The following MYLK4 variants were observed in gnomAD, a reference collection of about 807,000 sequenced individuals.
The protein encoded by MYLK4 is caMLCK like.
Under a neutral mutation model 48.1 loss-of-function variants are expected in MYLK4, and 46 were observed. The observed-to-expected ratio is 0.96, with a 90% CI of 0.75 to 1.22. MYLK4 has a LOEUF of 1.22. Ranked by LOEUF, MYLK4 falls within the 50% of genes most tolerant of loss-of-function variation. The pLI, the probability that MYLK4 is intolerant of heterozygous loss-of-function variation, is 0.00. For missense variants in MYLK4, 451 were observed against 486.1 expected (o/e 0.93, Z 0.68); for synonymous variants, 170 against 180.8 (o/e 0.94, Z 0.48).
chr6:2,759,735 A>C, the MYLK4 span, among the ~76,000 whole-genome samples: 11 of 152,230 alleles, frequency 7.2e-5, no homozygotes, highest in African/African-American at 2.4e-4. Flanking sequence ...TGATGTTTTT[A>C]CCATTCAACA....
At chr6:2,768,641 T>A in the MYLK4 span, 1 of 1,489,116 alleles carries the variant, frequency 6.7e-7, no homozygotes, top group Non-Finnish European at 9.0e-7. Context: ...GGTGCTGGTC[T>A]CTCTGTGTCT....
chr6:2,694,387 C>T lies in MYLK4; in HGVS notation c.160-1528G>A, dbSNP rs561353465. On this transcript the variant is annotated intron_variant, in intron 2 of 12. Transcript: ENST00000274643. The stretch of plus-strand genomic sequence containing the variant: ...TTTTTCCTGTCAATTTCCCACTAGA[C>T]TGTGGACTTCCAGTGGGCAAAAAGA... Among the ~76,000 whole-genome samples, 3 of 149,508 alleles carry T rather than the reference C, an allele frequency of 2.0e-5. No homozygotes were observed. The East Asian group carries it at 6.0e-4, about 30-fold the overall frequency.
At chr6:2,753,625 T>C (rs1764350253), upstream of MYLK4, among the ~76,000 whole-genome samples, 1 of 152,206 alleles carries the variant, frequency 6.6e-6, no homozygotes, top group African/African-American at 2.4e-5. Context: ...TAGAAAATAC[T>C]GTGAAGTCAC....
At chr6:2,766,192 C>G in the MYLK4 span, 1 of 1,397,952 alleles carries the variant, frequency 7.2e-7, no homozygotes, top group African/African-American at 1.5e-5. Flanking sequence ...GGCACTGGGA[C>G]GCGGACGCTG....
chr6:2,708,402 A>C (rs1222798431), intron 2 of MYLK4, among the ~76,000 whole-genome samples: 1 of 152,208 alleles, frequency 6.6e-6, no homozygotes, highest in Non-Finnish European at 1.5e-5. Context: ...GTTCATCTTC[A>C]CAGATTTGCC....
chr6:2,767,273 G>A, the MYLK4 span, among the ~76,000 whole-genome samples: 1 of 152,214 alleles, frequency 6.6e-6, no homozygotes, highest in Non-Finnish European at 1.5e-5. Flanking sequence ...GCTAAGAAGT[G>A]CTTAAATACA....
At chr6:2,762,022 C>CTGCCTCAGCCTTGCAGTA in the MYLK4 span, among the ~76,000 whole-genome samples, 2 of 152,138 alleles carry the variant, frequency 1.3e-5, no homozygotes, top group African/African-American at 4.8e-5. Context: ...AGTAATTCTC[C>CTGCCTCAGCCTTGCAGTA]TGCCTCAGCC....
the MYLK4 span, among the ~76,000 whole-genome samples, chr6:2,760,308 G>A: frequency 1.3e-5 from 2 of 152,172 alleles, no homozygotes; most frequent in Non-Finnish European, 2.9e-5. Context: ...TGAGGGGCAG[G>A]AGGGTCCCAG....
chr6:2,722,980 T>G (rs1407608209), intron 2 of MYLK4, among the ~76,000 whole-genome samples: 1 of 152,190 alleles, frequency 6.6e-6, no homozygotes, highest in African/African-American at 2.4e-5. Flanking sequence ...TCTCATATTT[T>G]TGCTTTTTTA....
chr6:2,751,831 G>C (rs1187915396), upstream of MYLK4, among the ~76,000 whole-genome samples: 1 of 152,124 alleles, frequency 6.6e-6, no homozygotes, highest in African/African-American at 2.4e-5. Flanking sequence ...ATGAATTACA[G>C]CAAAATCTTT....
chr6:2,704,049 C>A (rs2113224236), intron 2 of MYLK4, among the ~76,000 whole-genome samples: 1 of 152,300 alleles, frequency 6.6e-6, no homozygotes, highest in Admixed American at 6.5e-5. Context: ...ATTTATCACA[C>A]TGTGTTGAAT....
At chr6:2,735,888 T>C (rs1390579142) in intron 2 of MYLK4, among the ~76,000 whole-genome samples, 2 of 152,136 alleles carry the variant, frequency 1.3e-5, no homozygotes, top group Non-Finnish European at 2.9e-5. Context: ...AACAGACAAA[T>C]TGCTAATTTA....
intron 7 of MYLK4, among the ~76,000 whole-genome samples, chr6:2,681,220 G>C (rs1761286568): frequency 1.3e-5 from 2 of 152,178 alleles, no homozygotes; most frequent in Admixed American, 6.5e-5. Context: ...AGTGGGATCA[G>C]GCTCCCCTCC....
chr6:2,763,016 T>C, the MYLK4 span, among the ~76,000 whole-genome samples: 2 of 151,998 alleles, frequency 1.3e-5, no homozygotes, highest in Non-Finnish European at 2.9e-5. Flanking sequence ...GCCAAGCGGG[T>C]CTCCATCGCC....
intron 2 of MYLK4, among the ~76,000 whole-genome samples, chr6:2,738,091 C>T (rs543648644): frequency 6.6e-5 from 10 of 150,870 alleles, no homozygotes; most frequent in Admixed American, 4.0e-4. Context: ...GAAATTCCAG[C>T]TGGTGGTCTT....
At chr6:2,721,853 C>T (rs2113290215) in intron 2 of MYLK4, among the ~76,000 whole-genome samples, 1 of 152,334 alleles carries the variant, frequency 6.6e-6, no homozygotes, top group South Asian at 2.1e-4. Flanking sequence ...TTCTCAACAG[C>T]TGCATGAAAG....
the MYLK4 span, chr6:2,765,391 C>T: frequency 5.2e-6 from 2 of 387,888 alleles, no homozygotes; most frequent in Non-Finnish European, 8.4e-6. Context: ...CGGCCACGAA[C>T]TACACTTCCC....
Position 2,665,143 on chromosome 6 carries a change from T to G in MYLK4, c.*2782A>C, listed in dbSNP as rs1760597098. On this transcript the variant is annotated 3_prime_UTR_variant, in exon 13 of 13. Transcript: ENST00000274643. ...AATCCTAATGACCTGTTGGAAAAAT[T>G]GATCTCCATAGCCCTGGTCTAGCCA... is the stretch of plus-strand genomic sequence containing the variant. 2 of 152,322 alleles carry G rather than the reference T, an allele frequency of 1.3e-5. No individual in the cohort carries two copies. Among genetic ancestry groups the G allele is most frequent in the Non-Finnish European group, 2.9e-5 (2 of 68,034 alleles). 9.4% of individuals were successfully genotyped at this position (152,322 alleles called of 1,614,324 possible). A position where few individuals can be genotyped will look rare whatever the true frequency, so the allele number is the denominator to read the frequency against.
intron 3 of MYLK4, among the ~76,000 whole-genome samples, chr6:2,691,110 G>A (rs564740076): frequency 2.6e-5 from 4 of 152,232 alleles, no homozygotes; most frequent in East Asian, 1.9e-4. Context: ...GATTACAGGC[G>A]TGAGCCACCG....
Sources: allele counts gnomAD v4.1 joint callset (sites outside exome capture counted in the v4.1 genomes callset), GRCh38; gene constraint gnomAD v4.1.1; transcripts MANE v1.5; gene names NCBI Gene and HGNC (gene_info 2026-07-23, HGNC 2026-07-21).